SDK1: variants seen among roughly 807,000 people sequenced by gnomAD.
SDK1 encodes the protein protein sidekick-1.
In SDK1, 157 loss-of-function variants were observed where a neutral mutation model predicts 245.5. The ratio of observed to expected loss-of-function variants is 0.64; its 90% CI spans 0.56 to 0.73. The LOEUF (loss-of-function observed/expected upper bound fraction) is 0.73. Ranked by LOEUF, SDK1 falls within the 30% of genes least tolerant of loss-of-function variation. The pLI is 0.00. For missense variants in SDK1, 3,583 were observed against 3,002.3 expected, an observed-to-expected ratio of 1.19 and a Z score of -4.52; for synonymous variants, 1,647 against 1,278.5, an observed-to-expected ratio of 1.29 and a Z score of -6.15.
chr7:3,492,233 C>A (rs1781883653), intron 1 of SDK1, among the ~76,000 whole-genome samples: 1 of 152,150 alleles, frequency 6.6e-6, no homozygotes, highest in Admixed American at 6.5e-5. Flanking sequence ...TTGTTATGTG[C>A]TAGGGGAGAT....
intron 35 of SDK1, among the ~76,000 whole-genome samples, chr7:4,203,736 C>A (rs1439953603): frequency 1.3e-5 from 2 of 152,190 alleles, no homozygotes; most frequent in African/African-American, 2.4e-5. Flanking sequence ...GGAGACCCAG[C>A]GGCTTTCAGG....
chr7:3,671,114 G>C (rs538414590), intron 4 of SDK1, among the ~76,000 whole-genome samples: 1 of 152,252 alleles, frequency 6.6e-6, no homozygotes, highest in East Asian at 1.9e-4. Context: ...CCTTACCCCT[G>C]AGTTTTCAGC....
chr7:3,593,777 G>A (rs561141728), intron 1 of SDK1, among the ~76,000 whole-genome samples: 3 of 152,172 alleles, frequency 2.0e-5, no homozygotes, highest in Admixed American at 2.0e-4. Flanking sequence ...CAGTGGGTGA[G>A]AACGTAAGCT....
chr7:3,602,363 T>G (rs940743581), intron 1 of SDK1, among the ~76,000 whole-genome samples: 9 of 150,350 alleles, frequency 6.0e-5, no homozygotes, highest in African/African-American at 2.2e-4. Context: ...TTTTAATGAT[T>G]GCTATTCTAA....
At chr7:4,201,326 T>C (rs963114901) in intron 35 of SDK1, among the ~76,000 whole-genome samples, 1 of 152,156 alleles carries the variant, frequency 6.6e-6, no homozygotes, top group African/African-American at 2.4e-5. Flanking sequence ...GGGAGCAGAT[T>C]GCGAGCAAGA....
At chr7:3,888,035 AT>A (rs1020387365) in intron 5 of SDK1, among the ~76,000 whole-genome samples, 3 of 152,148 alleles carry the variant, frequency 2.0e-5, no homozygotes, top group Non-Finnish European at 4.4e-5. Flanking sequence ...AGTGGTCTAT[AT>A]TTCTTTTAAA....
chr7:3,828,849 G>C (rs557463644), intron 5 of SDK1, among the ~76,000 whole-genome samples: 3 of 151,760 alleles, frequency 2.0e-5, no homozygotes, highest in East Asian at 3.9e-4. Flanking sequence ...TGTAGAGACA[G>C]TCTGGCTATG....
chr7:3,624,316 C>T (rs1049169402), intron 2 of SDK1, among the ~76,000 whole-genome samples: 2 of 152,176 alleles, frequency 1.3e-5, no homozygotes, highest in African/African-American at 4.8e-5. Flanking sequence ...CCTCCTGCCT[C>T]AGCCTCTCAA....
intron 7 of SDK1, among the ~76,000 whole-genome samples, chr7:3,956,709 G>T (rs1346848051): frequency 6.6e-6 from 1 of 152,208 alleles, no homozygotes; most frequent in African/African-American, 2.4e-5. Context: ...AGTGGGATGA[G>T]TTTTCTCACC....
chr7:4,242,763 C>G (rs137885470), intron 43 of SDK1, among the ~76,000 whole-genome samples: 1 of 152,300 alleles, frequency 6.6e-6, no homozygotes, highest in East Asian at 1.9e-4. Context: ...CAGACAGACC[C>G]CAGGGTTTCC....
intron 1 of SDK1, among the ~76,000 whole-genome samples, chr7:3,437,263 T>G (rs921792394): frequency 6.6e-6 from 1 of 152,200 alleles, no homozygotes; most frequent in Non-Finnish European, 1.5e-5. Context: ...TTAAAAAGTC[T>G]TATAACATTG....
chr7:3,905,117 C>CTT (rs879375368), intron 5 of SDK1, among the ~76,000 whole-genome samples: 2 of 148,884 alleles, frequency 1.3e-5, no homozygotes, highest in East Asian at 3.9e-4. Flanking sequence ...TAATCAGCAC[C>CTT]TTTTTTTTTT....
chr7:4,190,056 T>C (rs768643339), intron 35 of SDK1, among the ~76,000 whole-genome samples: 17 of 152,192 alleles, frequency 1.1e-4, no homozygotes, highest in Non-Finnish European at 2.4e-4. Context: ...CCAGTCCTAG[T>C]GCCTATTAAG....
In SDK1 at chr7:4,206,123, C is replaced by T. The variant is rs1215296303; in HGVS notation, c.5214+129C>T. The T allele has an allele frequency of 3.3e-5, 21 of 638,940 alleles. No individual in the cohort carries two copies. In the South Asian group the frequency reaches 3.6e-4, roughly 11 times the overall value. 39.6% of individuals were successfully genotyped at this position (638,940 alleles called of 1,614,324 possible). A position where few individuals can be genotyped will look rare whatever the true frequency, so the allele number is the denominator to read the frequency against. Reference sequence around the variant, plus strand: ...ACCTGGAGAGCTGGGGCCCAAGCGTCGGAGCTTGGCTAGACCTGGCCTGTT... The same window carrying T: ...ACCTGGAGAGCTGGGGCCCAAGCGTTGGAGCTTGGCTAGACCTGGCCTGTT... On this transcript the variant is annotated intron_variant, in intron 36 of 44. Coordinates refer to ENST00000404826, the MANE Select transcript of SDK1 (RefSeq NM_152744.4).
chr7:4,031,276 C>T (rs556798623), intron 17 of SDK1, among the ~76,000 whole-genome samples: 28 of 152,194 alleles, frequency 1.8e-4, no homozygotes, highest in African/African-American at 6.3e-4. Flanking sequence ...AATCTAAAGC[C>T]AAAATAATTA....
intron 1 of SDK1, among the ~76,000 whole-genome samples, chr7:3,448,577 ACTGT>A (rs924087834): frequency 6.6e-5 from 10 of 152,008 alleles, no homozygotes; most frequent in African/African-American, 2.2e-4. Context: ...TATGAATGTT[ACTGT>A]CTTATTTTTT....
intron 40 of SDK1, among the ~76,000 whole-genome samples, chr7:4,226,166 G>A (rs1363876615): frequency 1.3e-5 from 2 of 152,248 alleles, no homozygotes; most frequent in Non-Finnish European, 2.9e-5. Context: ...TCCCTGGCAA[G>A]ACGTTCTCCA....
At chr7:4,119,828 A>T (rs550872583) in intron 25 of SDK1, among the ~76,000 whole-genome samples, 2 of 149,130 alleles carry the variant, frequency 1.3e-5, no homozygotes, top group Admixed American at 1.3e-4. Flanking sequence ...GACCAGTTTT[A>T]AAAAAAGAGA....
intron 23 of SDK1, among the ~76,000 whole-genome samples, chr7:4,111,596 C>G (rs1584171470): frequency 6.6e-6 from 1 of 150,904 alleles, no homozygotes; most frequent in Admixed American, 6.6e-5. Flanking sequence ...GAGCTTAGAA[C>G]AGACAAATCA....
Sources: allele counts gnomAD v4.1 joint callset (sites outside exome capture counted in the v4.1 genomes callset), GRCh38; gene constraint gnomAD v4.1.1; transcripts MANE v1.5; gene names NCBI Gene and HGNC (gene_info 2026-07-23, HGNC 2026-07-21).